Variants in ZNF469 observed in about 807,000 individuals in gnomAD.
The protein encoded by ZNF469 is zinc finger protein 469.
A neutral mutation model predicts 1.0 loss-of-function variants in ZNF469; 1 was observed. The observed-to-expected ratio is 1.00, with a 90% CI of 0.35 to 4.73. ZNF469 has a LOEUF of 4.73. Among genes scored for constraint, ZNF469 ranks in the 30% most tolerant of loss-of-function variants. The pLI is 0.16. For missense variants in ZNF469, 6,100 were observed against 5,356.3 expected, an observed-to-expected ratio of 1.14 and a Z score of -4.33; for synonymous variants, 2,703 against 2,363.4, an observed-to-expected ratio of 1.14 and a Z score of -4.17.
At chr16:88,365,687 C>T in the ZNF469 span, among the ~76,000 whole-genome samples, 3 of 152,172 alleles carry the variant, frequency 2.0e-5, no homozygotes, top group East Asian at 1.9e-4. Flanking sequence ...TGACCAGGAG[C>T]GGGTCCACTC....
At chr16:88,350,901 G>T in the ZNF469 span, among the ~76,000 whole-genome samples, 2 of 152,184 alleles carry the variant, frequency 1.3e-5, no homozygotes, top group East Asian at 1.9e-4. Flanking sequence ...ACCCAGCCCC[G>T]CCAACACCCT....
At chr16:88,297,046 T>G in the ZNF469 span, among the ~76,000 whole-genome samples, 2 of 152,222 alleles carry the variant, frequency 1.3e-5, no homozygotes, top group African/African-American at 4.8e-5. Context: ...GAAAAGCCAT[T>G]GCTCCAGGAG....
chr16:88,160,914 G>A, the ZNF469 span, among the ~76,000 whole-genome samples: 2 of 152,226 alleles, frequency 1.3e-5, no homozygotes, highest in Non-Finnish European at 2.9e-5. Context: ...AGGCCGAGGT[G>A]GGCGGATCAT....
intron 1 of ZNF469, among the ~76,000 whole-genome samples, chr16:88,402,971 C>T (rs1369192156): frequency 6.6e-6 from 1 of 152,210 alleles, no homozygotes; most frequent in African/African-American, 2.4e-5. Context: ...CCAGCCCGGC[C>T]CGGGAAGATG....
the ZNF469 span, among the ~76,000 whole-genome samples, chr16:88,169,300 G>A: frequency 1.3e-5 from 2 of 152,190 alleles, no homozygotes; most frequent in Admixed American, 6.5e-5. The surrounding 1 kb of genome is among the most constrained non-coding windows in gnomAD (Gnocchi z 6.1). Context: ...GAGTTTCCGC[G>A]AATGTGTACA....
the ZNF469 span, among the ~76,000 whole-genome samples, chr16:88,148,246 C>A: frequency 6.6e-6 from 1 of 152,124 alleles, no homozygotes; most frequent in Admixed American, 6.5e-5. Flanking sequence ...GTGTTTTGCT[C>A]CTTCAGAGAC....
the ZNF469 span, among the ~76,000 whole-genome samples, chr16:88,290,080 A>G: frequency 3.0e-4 from 46 of 152,198 alleles, no homozygotes; most frequent in Non-Finnish European, 4.4e-5. Context: ...GCAGCGATGG[A>G]CATCGTGGGT....
At chr16:88,252,074 A>G in the ZNF469 span, among the ~76,000 whole-genome samples, 1 of 147,196 alleles carries the variant, frequency 6.8e-6, no homozygotes, top group Non-Finnish European at 1.5e-5. Context: ...TCAAGCATCT[A>G]CGGCTTCAGG....
the ZNF469 span, among the ~76,000 whole-genome samples, chr16:88,352,881 C>T: frequency 1.3e-5 from 2 of 152,234 alleles, no homozygotes; most frequent in Non-Finnish European, 2.9e-5. Flanking sequence ...CAGAGCCCAC[C>T]GAGTGAGACG....
chr16:88,317,861 G>A, the ZNF469 span, among the ~76,000 whole-genome samples: 7 of 152,146 alleles, frequency 4.6e-5, no homozygotes, highest in Non-Finnish European at 7.3e-5. Context: ...TCTCTGCGCC[G>A]CTGAACCGGG....
At chr16:88,365,752 C>T in the ZNF469 span, among the ~76,000 whole-genome samples, 267 of 152,306 alleles carry the variant, frequency 1.8e-3, 1 homozygote, top group African/African-American at 6.1e-3. Context: ...CCTCACCAGC[C>T]TTGGAGTCCT....
At chr16:88,231,809 C>G in the ZNF469 span, among the ~76,000 whole-genome samples, 31 of 152,220 alleles carry the variant, frequency 2.0e-4, no homozygotes, top group African/African-American at 7.5e-4. The surrounding 1 kb of genome is among the most constrained non-coding windows in gnomAD (Gnocchi z 4.5). Context: ...CCTGCTCAGT[C>G]ACGTCTGCAT....
the ZNF469 span, among the ~76,000 whole-genome samples, chr16:88,335,770 C>G: frequency 6.6e-6 from 1 of 152,172 alleles, no homozygotes; most frequent in Non-Finnish European, 1.5e-5. Context: ...ACGTGAGACA[C>G]TAACATGCCA....
chr16:88,368,058 G>C, the ZNF469 span, among the ~76,000 whole-genome samples: 1 of 152,226 alleles, frequency 6.6e-6, no homozygotes, highest in Admixed American at 6.5e-5. Context: ...TATTATTTTA[G>C]GACTTGCCTT....
chr16:88,369,805 C>G, the ZNF469 span, among the ~76,000 whole-genome samples: 1 of 152,264 alleles, frequency 6.6e-6, no homozygotes, highest in African/African-American at 2.4e-5. Context: ...GCCACAGAGG[C>G]CACCCCCGCG....
chr16:88,264,470 G>A, the ZNF469 span, among the ~76,000 whole-genome samples: 24 of 149,382 alleles, frequency 1.6e-4, no homozygotes, highest in Admixed American at 1.2e-3. Context: ...CCCCTGCTCT[G>A]CCCCCACCCC....
At chr16:88,322,108 A>G in the ZNF469 span, among the ~76,000 whole-genome samples, 1 of 152,250 alleles carries the variant, frequency 6.6e-6, no homozygotes, top group Non-Finnish European at 1.5e-5. Context: ...CTACAGCATC[A>G]TGGAGCCACG....
At chr16:88,183,751 C>T in the ZNF469 span, among the ~76,000 whole-genome samples, 2 of 152,150 alleles carry the variant, frequency 1.3e-5, no homozygotes, top group African/African-American at 2.4e-5. Flanking sequence ...TACGTGATAC[C>T]GCAATAAACC....
At chr16:88,145,092 C>T in the ZNF469 span, among the ~76,000 whole-genome samples, 3,625 of 151,936 alleles carry the variant, frequency 0.024, 156 homozygotes, top group African/African-American at 0.084. Flanking sequence ...TCAAGTGATC[C>T]GCCCACCTCA....
Sources: allele counts gnomAD v4.1 joint callset (sites outside exome capture counted in the v4.1 genomes callset), GRCh38; gene constraint gnomAD v4.1.1; non-coding constraint Gnocchi (gnomAD v3.1); transcripts MANE v1.5; gene names NCBI Gene and HGNC (gene_info 2026-07-23, HGNC 2026-07-21).